Variants in SNTG1 observed in about 807,000 individuals in gnomAD.
The protein encoded by SNTG1 is syntrophin gamma 1, also known as gamma-1-syntrophin.
In SNTG1, 39 loss-of-function variants were observed where a neutral mutation model predicts 74.7. That is an observed-to-expected ratio of 0.52 (90% CI 0.40 to 0.68). The LOEUF (loss-of-function observed/expected upper bound fraction) is 0.68, where lower values mean the gene tolerates loss of function less well. Ranked by LOEUF, SNTG1 falls within the 30% of genes least tolerant of loss-of-function variation. The probability of loss-of-function intolerance (pLI) is 0.00; values close to 1 mark genes in which losing one functional copy is unlikely to be tolerated. For synonymous variants in SNTG1, 254 were observed against 217.1 expected, an observed-to-expected ratio of 1.17 and a Z score of -1.49; for missense variants, 685 against 609.5, an observed-to-expected ratio of 1.12 and a Z score of -1.30.
chr8:50,331,758 C>A (rs549429586), intron 2 of SNTG1, among the ~76,000 whole-genome samples: 31 of 152,232 alleles, frequency 2.0e-4, no homozygotes, highest in African/African-American at 6.7e-4. Flanking sequence ...GTACAATGGA[C>A]AGATTTGCCA....
At chr8:50,692,903 T>G (rs1459603826) in intron 15 of SNTG1, among the ~76,000 whole-genome samples, 2 of 152,230 alleles carry the variant, frequency 1.3e-5, no homozygotes, top group Non-Finnish European at 2.9e-5. Context: ...CTCCACCCAG[T>G]TCCAGCTTCC....
intron 9 of SNTG1, among the ~76,000 whole-genome samples, chr8:50,511,221 C>T (rs369591467): frequency 1.9e-4 from 29 of 152,186 alleles, no homozygotes; most frequent in African/African-American, 5.8e-4. Flanking sequence ...TGTAGTTGAG[C>T]GGTTTTGACT....
chr8:50,112,769 A>G (rs2080650643), intron 1 of SNTG1, among the ~76,000 whole-genome samples: 2 of 151,992 alleles, frequency 1.3e-5, no homozygotes, highest in South Asian at 4.1e-4. Flanking sequence ...TCGGCCTCCT[A>G]AAGTGCTGGG....
chr8:49,961,030 C>T (rs1810635501), intron 1 of SNTG1, among the ~76,000 whole-genome samples: 1 of 152,162 alleles, frequency 6.6e-6, no homozygotes, highest in Non-Finnish European at 1.5e-5. Context: ...TTTGATAGGA[C>T]TGTCATCTTC....
At chr8:50,297,850 G>T (rs1158104425) in intron 2 of SNTG1, among the ~76,000 whole-genome samples, 1 of 150,666 alleles carries the variant, frequency 6.6e-6, no homozygotes, top group East Asian at 1.9e-4. Flanking sequence ...GAACTGAGTT[G>T]CAGGAGGAAG....
chr8:50,559,271 G>A (rs2094473665), intron 12 of SNTG1, among the ~76,000 whole-genome samples: 2 of 152,214 alleles, frequency 1.3e-5, no homozygotes, highest in East Asian at 1.9e-4. Flanking sequence ...TATTGCAAAA[G>A]CAATAACAAA....
At chr8:50,504,913 T>G (rs2093993680) in intron 9 of SNTG1, among the ~76,000 whole-genome samples, 1 of 152,348 alleles carries the variant, frequency 6.6e-6, no homozygotes, top group East Asian at 1.9e-4. Flanking sequence ...CTTAAGTCTA[T>G]GTACATTATT....
At chr8:50,700,653 C>T (rs1384471163) in intron 15 of SNTG1, among the ~76,000 whole-genome samples, 1 of 151,968 alleles carries the variant, frequency 6.6e-6, no homozygotes, top group Non-Finnish European at 1.5e-5. Flanking sequence ...CTTGATGGTA[C>T]TACAGTCTCT....
At chr8:50,588,472 T>C (rs960484725) in intron 12 of SNTG1, among the ~76,000 whole-genome samples, 4 of 152,114 alleles carry the variant, frequency 2.6e-5, no homozygotes, top group Admixed American at 1.3e-4. Context: ...AGTCAGTAGT[T>C]TGGTTAGTTA....
intron 1 of SNTG1, among the ~76,000 whole-genome samples, chr8:50,107,829 G>A (rs1563606310): frequency 6.6e-6 from 1 of 152,124 alleles, no homozygotes; most frequent in Non-Finnish European, 1.5e-5. Context: ...GGGATTACAG[G>A]CATGAACCAC....
chr8:50,762,858 A>G (rs2095602901), intron 18 of SNTG1: 1 of 365,058 alleles, frequency 2.7e-6, no homozygotes, highest in South Asian at 2.2e-5. Flanking sequence ...GCCAGACGTC[A>G]CACTCTATTG....
Position 50,100,599 on chromosome 8 carries a change from A to G in SNTG1, c.-102-71962A>G, listed in dbSNP as rs75511749. ...ATTCCTTCAAATATATTAACACAAT[A>G]TTATAATTGAATATTTACTTGACAA... On this transcript the variant is annotated intron_variant, in intron 1 of 18. Coordinates refer to ENST00000642720, the MANE Select transcript of SNTG1 (RefSeq NM_018967.5). 8.4e-3 allele frequency among the ~76,000 whole-genome samples: 1,278 copies of G among 152,202 alleles called. 26 individuals carry two copies. The highest frequency in any genetic ancestry group is 0.029 in the African/African-American group (1,207 of 41,542).
intron 13 of SNTG1, among the ~76,000 whole-genome samples, chr8:50,623,536 T>C (rs1481115727): frequency 2.6e-5 from 4 of 152,120 alleles, no homozygotes; most frequent in Admixed American, 2.0e-4. Context: ...AAATTCAATT[T>C]CCAGATTCCA....
At chr8:49,929,881 C>A (rs1287449222) in intron 1 of SNTG1, among the ~76,000 whole-genome samples, 1 of 115,752 alleles carries the variant, frequency 8.6e-6, no homozygotes, top group Non-Finnish European at 1.7e-5. Flanking sequence ...CCCACCCCAC[C>A]ACAGTCCCCA....
At chr8:50,252,761 A>C (rs2086697256) in intron 2 of SNTG1, among the ~76,000 whole-genome samples, 1 of 152,162 alleles carries the variant, frequency 6.6e-6, no homozygotes, top group Admixed American at 6.5e-5. Context: ...AGGCAGTCAC[A>C]AGGGATTCAC....
chr8:50,754,849 C>A (rs2095576312), intron 18 of SNTG1, among the ~76,000 whole-genome samples: 1 of 151,874 alleles, frequency 6.6e-6, no homozygotes, highest in Non-Finnish European at 1.5e-5. Context: ...ATTCTGACAT[C>A]TTGTGTTTCT....
chr8:49,976,601 G>A (rs949147626), intron 1 of SNTG1, among the ~76,000 whole-genome samples: 1 of 152,068 alleles, frequency 6.6e-6, no homozygotes, highest in African/African-American at 2.4e-5. Context: ...ATTTGTCCAG[G>A]GAAGCCTACT....
chr8:50,156,529 G>A (rs1401293841), intron 1 of SNTG1, among the ~76,000 whole-genome samples: 2 of 151,844 alleles, frequency 1.3e-5, no homozygotes, highest in Non-Finnish European at 2.9e-5. Flanking sequence ...TATATAATGT[G>A]AATCTGTATG....
intron 2 of SNTG1, among the ~76,000 whole-genome samples, chr8:50,324,697 C>A (rs916972618): frequency 6.6e-6 from 1 of 151,972 alleles, no homozygotes; most frequent in East Asian, 1.9e-4. Flanking sequence ...CAATATATGG[C>A]TTCTCTTCTC....
Sources: gnomAD v4.1 joint callset for allele counts (sites outside exome capture counted in the v4.1 genomes callset) on GRCh38, gnomAD v4.1.1 for gene constraint, MANE v1.5 for transcripts, NCBI Gene and HGNC (gene_info 2026-07-23, HGNC 2026-07-21) for gene names.